DLC1: variants seen among roughly 807,000 people sequenced by gnomAD.
The protein encoded by DLC1 is rho GTPase-activating protein 7.
DLC1 carries 54 observed loss-of-function variants against 140.3 expected under a neutral mutation model. The observed-to-expected ratio is 0.38, with a 90% CI of 0.31 to 0.48. The LOEUF (loss-of-function observed/expected upper bound fraction) is 0.48. Ranked by LOEUF, DLC1 falls within the 20% of genes least tolerant of loss-of-function variation. The pLI is 0.96. For synonymous variants in DLC1, 986 were observed against 728.1 expected, an observed-to-expected ratio of 1.35 and a Z score of -5.70; for missense variants, 2,536 against 1,907.0, an observed-to-expected ratio of 1.33 and a Z score of -6.14.
At chr8:13,468,635 G>T (rs1040274352) in intron 2 of DLC1, among the ~76,000 whole-genome samples, 8 of 151,420 alleles carry the variant, frequency 5.3e-5, no homozygotes, top group African/African-American at 1.9e-4. Flanking sequence ...TCAGCCTCCC[G>T]AAGTGCTAGG....
chr8:13,119,933 TA>T (rs566923720), intron 5 of DLC1, among the ~76,000 whole-genome samples: 1,594 of 150,678 alleles, frequency 0.011, 27 homozygotes, highest in African/African-American at 0.037. Context: ...AAAAAACTTA[TA>T]AAAAAATTTT....
chr8:13,590,172 T>C (rs1457163273), intron 1 of DLC1, among the ~76,000 whole-genome samples: 1 of 151,818 alleles, frequency 6.6e-6, no homozygotes, highest in African/African-American at 2.4e-5. Context: ...ACCAATCCTA[T>C]ATTTACAGTA....
intron 5 of DLC1, chr8:13,277,006 C>A (rs1280159369): frequency 1.3e-5 from 2 of 152,258 alleles, no homozygotes; most frequent in African/African-American, 2.4e-5. Context: ...CTTTACAGAT[C>A]AATCTGGATT....
At chr8:13,463,707 G>T (rs1483415998) in intron 2 of DLC1, among the ~76,000 whole-genome samples, 1 of 152,104 alleles carries the variant, frequency 6.6e-6, no homozygotes, top group African/African-American at 2.4e-5. Flanking sequence ...TATTATTTTT[G>T]GCTTATTATT....
intron 5 of DLC1, among the ~76,000 whole-genome samples, chr8:13,131,892 G>A (rs1417978110): frequency 6.6e-6 from 1 of 152,182 alleles, no homozygotes; most frequent in Non-Finnish European, 1.5e-5. Flanking sequence ...GCTGTGCGCT[G>A]AAGGACGCTC....
intron 5 of DLC1, among the ~76,000 whole-genome samples, chr8:13,139,786 C>T (rs767895448): frequency 7.2e-5 from 11 of 152,234 alleles, no homozygotes; most frequent in Non-Finnish European, 1.2e-4. Context: ...TGTCCCCTGA[C>T]TACACAAAAA....
intron 2 of DLC1, among the ~76,000 whole-genome samples, chr8:13,407,102 A>G (rs1202512271): frequency 6.6e-6 from 1 of 152,184 alleles, no homozygotes; most frequent in Non-Finnish European, 1.5e-5. Context: ...ATTAGGAGAG[A>G]AATTTCAATT....
chr8:13,535,392 C>A (rs1485843340), intron 1 of DLC1, among the ~76,000 whole-genome samples: 2 of 151,998 alleles, frequency 1.3e-5, no homozygotes, highest in African/African-American at 4.8e-5. Flanking sequence ...TCTAGATCTT[C>A]CTGCAACTTA....
chr8:13,491,282 T>G (rs1320285229), intron 2 of DLC1, among the ~76,000 whole-genome samples: 4 of 151,920 alleles, frequency 2.6e-5, no homozygotes, highest in Non-Finnish European at 5.9e-5. Flanking sequence ...TTTCAATCTC[T>G]TATTCTATTC....
Position 13,094,835 on chromosome 8 carries a change from C to T in DLC1, c.3450G>A (p.Leu1150=). Residue 1150 remains leucine (L), a synonymous_variant, in exon 12 of 18, where the codon CTG becomes CTA. Coordinates refer to ENST00000276297, the MANE Select transcript of DLC1 (RefSeq NM_182643.3). The part of the protein sequence containing the change: ...GQSAYDVADM[L]KQYFRDLPEP... ...CAGGAAGATCTCGAAAATACTGCTT[C>T]AGCATGTCTGCCACGTCATAAGCAG... 1 of 1,614,214 alleles carries T rather than the reference C, an allele frequency of 6.2e-7. No individual in the cohort carries two copies. The highest frequency in any genetic ancestry group is 8.5e-7 in the Non-Finnish European group (1 of 1,180,040).
chr8:13,588,805 G>C (rs189501943), intron 1 of DLC1, among the ~76,000 whole-genome samples: 1 of 152,008 alleles, frequency 6.6e-6, no homozygotes, highest in Non-Finnish European at 1.5e-5. Flanking sequence ...AAGCATAGGG[G>C]CTGGGAGAGG....
At chr8:13,490,102 G>A (rs555843562) in intron 2 of DLC1, among the ~76,000 whole-genome samples, 1 of 152,142 alleles carries the variant, frequency 6.6e-6, no homozygotes, top group Non-Finnish European at 1.5e-5. Flanking sequence ...TACTCCCTTG[G>A]CTGGAAAATC....
intron 1 of DLC1, among the ~76,000 whole-genome samples, chr8:13,574,149 G>A (rs528568466): frequency 6.6e-6 from 1 of 152,118 alleles, no homozygotes; most frequent in Non-Finnish European, 1.5e-5. Context: ...CTCTCCAGGG[G>A]TTGCATTTCC....
intron 5 of DLC1, among the ~76,000 whole-genome samples, chr8:13,272,025 G>C (rs545472553): frequency 6.6e-6 from 1 of 152,188 alleles, no homozygotes; most frequent in African/African-American, 2.4e-5. Context: ...TCTCAATCAG[G>C]TGGAGGCATT....
chr8:13,579,343 AT>A (rs1563453923), intron 1 of DLC1, among the ~76,000 whole-genome samples: 1,769 of 28,918 alleles, frequency 0.061, 543 homozygotes, highest in African/African-American at 0.19. Context: ...ATATATATAT[AT>A]ATATATATAT....
At chr8:13,292,319 A>G (rs1013313465) in intron 5 of DLC1, among the ~76,000 whole-genome samples, 2 of 152,168 alleles carry the variant, frequency 1.3e-5, no homozygotes, top group Non-Finnish European at 2.9e-5. Context: ...TTTATATTCT[A>G]TTGTCATGGA....
chr8:13,120,618 A>G (rs1381261024), intron 5 of DLC1, among the ~76,000 whole-genome samples: 1 of 151,968 alleles, frequency 6.6e-6, no homozygotes, highest in African/African-American at 2.4e-5. Context: ...AAATGCCACT[A>G]GAAACTAAAA....
At chr8:13,237,031 G>T (rs73560340) in intron 5 of DLC1, among the ~76,000 whole-genome samples, 6 of 151,784 alleles carry the variant, frequency 4.0e-5, no homozygotes, top group African/African-American at 1.5e-4. Flanking sequence ...ATGGCTTTGA[G>T]GTCCCTTCCA....
Position 13,565,707 on chromosome 8 carries a change from G to C in DLC1, c.-126+38830C>G, listed in dbSNP as rs75614329. ...CAAGAAACACAGGAAGAAAGAGAGAGAGAGACAAAACTGAGAAAGAAGGGT... is the reference window on the plus strand; with the variant it reads ...CAAGAAACACAGGAAGAAAGAGAGACAGAGACAAAACTGAGAAAGAAGGGT... On this transcript the variant is annotated intron_variant, in intron 1 of 1. Coordinates refer to the DLC1 transcript ENST00000631382. Among the ~76,000 whole-genome samples, 1,416 of 152,238 alleles carry C rather than the reference G, an allele frequency of 9.3e-3. 25 individuals are homozygous for C. The highest frequency in any genetic ancestry group is 0.032 in the African/African-American group (1,349 of 41,532).
Sources: allele counts gnomAD v4.1 joint callset (sites outside exome capture counted in the v4.1 genomes callset), GRCh38; gene constraint gnomAD v4.1.1; transcripts MANE v1.5; gene names NCBI Gene and HGNC (gene_info 2026-07-23, HGNC 2026-07-21).